TFAP4: variants seen among roughly 807,000 people sequenced by gnomAD.
TFAP4 encodes the protein transcription factor AP-4, also known as activating enhancer-binding protein 4.
A neutral mutation model predicts 40.4 loss-of-function variants in TFAP4; 7 were observed. That is an observed-to-expected ratio of 0.17 (90% CI 0.10 to 0.33). TFAP4 has a LOEUF of 0.33. TFAP4 is among the 10% of genes least tolerant of loss of function. TFAP4 has a pLI of 1.00. For missense variants in TFAP4, 374 were observed against 451.1 expected (o/e 0.83, Z 1.55); for synonymous variants, 218 against 181.4 (o/e 1.20, Z -1.62).
Position 4,260,224 on chromosome 16 carries a change from T to TGGGGGGGGGGG in TFAP4, c.687_688insCCCCCCCCCCC (p.Thr230ProfsTer10). The stretch of plus-strand genomic sequence containing the variant: ...GGCACGATCACCGTGGGGTGGTGGG[T>TGGGGGGGGGGG]GGGGGCCGGAGGGGGCAGAAGCTGC... On this transcript the variant is annotated frameshift_variant, in exon 6 of 7. Transcript: ENST00000204517. LOFTEE classifies it high-confidence loss of function. 8.9e-6 allele frequency: 2 copies of TGGGGGGGGGGG among 223,696 alleles called. No homozygotes were observed. Among genetic ancestry groups the TGGGGGGGGGGG allele is most frequent in the Non-Finnish European group, 1.6e-5 (2 of 125,994 alleles). The allele number at this position is 223,696 out of a possible 1,614,324, so 13.9% of individuals were successfully genotyped here.
rs576724161 is a variant in TFAP4 at position 4,272,876 on chromosome 16, G to T, written c.-130C>A. ...CGGCCGGTCCCAGATGCTGGCGGCG[G>T]CGGCGGCGGCGAGGGGAGGGAGGCG... On this transcript the variant is annotated 5_prime_UTR_variant, in exon 1 of 7. Coordinates refer to ENST00000204517, the MANE Select transcript of TFAP4 (RefSeq NM_003223.3). 1.6e-5 allele frequency: 10 copies of T among 615,982 alleles called. No individual in the cohort carries two copies. The East Asian group carries it at 3.0e-4, about 19-fold the overall frequency. The allele number at this position is 615,982 out of a possible 1,614,324, so 38.2% of individuals were successfully genotyped here.
At chr16:4,259,910 G>A (rs1280905369) in intron 6 of TFAP4, among the ~76,000 whole-genome samples, 180 bp downstream of exon 6, 2 of 152,226 alleles carry the variant, frequency 1.3e-5, no homozygotes, top group Admixed American at 6.5e-5. Flanking sequence ...CCCGATCTCT[G>A]GCCCTCACAT....
chr16:4,258,025 C>G lies in TFAP4; in HGVS notation c.*30G>C. 6.3e-7 allele frequency: 1 copy of G among 1,598,434 alleles called. No individual in the cohort carries two copies. The highest frequency in any genetic ancestry group is 8.5e-7 in the Non-Finnish European group (1 of 1,174,318). ...TGGCTGCCCCGGCTCCCTCCAGCCC[C>G]CAGAAGGGAGAGGAGGGCTGGGGGG... On this transcript the variant is annotated 3_prime_UTR_variant, in exon 7 of 7. Coordinates refer to ENST00000204517, the MANE Select transcript of TFAP4 (RefSeq NM_003223.3).
chr16:4,260,291 C>G (rs547940657), intron 5 of TFAP4, 46 bp from the exon 6 acceptor site: 1 of 1,519,994 alleles, frequency 6.6e-7, no homozygotes, highest in African/African-American at 1.4e-5. Flanking sequence ...CTTCTCTTGG[C>G]CCATCCACCT....
In TFAP4 at chr16:4,258,232, C is replaced by T. The variant is rs1567199466; in HGVS notation, c.840G>A (p.Glu280=). 1 of 1,601,376 alleles carries T rather than the reference C, an allele frequency of 6.2e-7. No individual in the cohort carries two copies. Among genetic ancestry groups the T allele is most frequent in the Non-Finnish European group, 8.5e-7 (1 of 1,171,766 alleles). The part of the protein sequence containing the change: ...DTIVQAIQHI[E]GTQEKQELEE... ...CCAGCTCCTGCTTTTCCTGGGTGCCCTCGATGTGCTGGATTGCCTGGACAG... is the reference window on the plus strand; with the variant it reads ...CCAGCTCCTGCTTTTCCTGGGTGCCTTCGATGTGCTGGATTGCCTGGACAG... Residue 280 remains glutamate, a synonymous_variant, in exon 7 of 7, where the codon GAG becomes GAA. Coordinates refer to ENST00000204517, the MANE Select transcript of TFAP4 (RefSeq NM_003223.3).
rs1296067582 is a variant in TFAP4 at position 4,261,340 on chromosome 16, C to T, written c.525+439G>A. Among the ~76,000 whole-genome samples, 3 of 151,720 alleles carry T rather than the reference C, an allele frequency of 2.0e-5. No individual in the cohort carries two copies. The East Asian group carries it at 5.8e-4, about 29-fold the overall frequency. On this transcript the variant is annotated intron_variant, in intron 4 of 6. Transcript: ENST00000204517. ...TGTCTCCCAGACTGGAGTGCAGTGG[C>T]ACGATCTCGGCTCACTGCAAGCTCT...
At chr16:4,261,531 C>T (rs1260738958) in intron 4 of TFAP4, among the ~76,000 whole-genome samples, 1 of 152,006 alleles carries the variant, frequency 6.6e-6, no homozygotes. Flanking sequence ...TCAGGTGATC[C>T]ACCCGCCTCG....
At chr16:4,262,201 G>A (rs2052955792) in intron 3 of TFAP4, 123 bp downstream of exon 3, 2 of 1,185,642 alleles carry the variant, frequency 1.7e-6, no homozygotes, top group African/African-American at 1.5e-5. Context: ...AGGAAAAAAA[G>A]TGCCTGGAAG....
chr16:4,272,440 CA>C (rs2053047254), intron 1 of TFAP4, among the ~76,000 whole-genome samples: 1 of 152,030 alleles, frequency 6.6e-6, no homozygotes. Context: ...CTGCAGCGGA[CA>C]AAAGTGGCCG....
intron 1 of TFAP4, among the ~76,000 whole-genome samples, chr16:4,271,418 C>A (rs2053039535): frequency 1.3e-5 from 2 of 152,356 alleles, no homozygotes; most frequent in South Asian, 2.1e-4. Flanking sequence ...GGCCACAGGT[C>A]CCAAACTTGC....
At chr16:4,260,431 C>A in intron 5 of TFAP4, 24 bp downstream of exon 5, 1 of 1,556,162 alleles carries the variant, frequency 6.4e-7, no homozygotes, top group Non-Finnish European at 8.7e-7. Context: ...CCCCAGAGCC[C>A]ACTCCCGGGC....
intron 5 of TFAP4, 72 bp downstream of exon 5, chr16:4,260,383 G>C: frequency 6.6e-7 from 1 of 1,515,224 alleles, no homozygotes; most frequent in Non-Finnish European, 8.8e-7. Flanking sequence ...CCTAGGGAGA[G>C]GCTTCCGCCA....
rs766594042 is a variant in TFAP4 at position 4,260,458 on chromosome 16, G to C, written c.663C>G (p.Thr221=). The change falls in exon 5 of 7, where the codon ACC becomes ACG. Residue 221 remains threonine, a synonymous_variant. Transcript: ENST00000204517. ...CTCCCGGGCGCCTCCTGCTCACCTG[G>C]GTCCGCAGCTGCTGCTGTTCCCGCT... ...KLEREQQQLR[T]QLLPPPAPTH... is the part of the protein sequence containing the mutation. 2 of 1,583,444 alleles carry C rather than the reference G, an allele frequency of 1.3e-6. No homozygotes were observed. Among genetic ancestry groups the C allele is most frequent in the Non-Finnish European group, 8.6e-7 (1 of 1,164,958 alleles).
chr16:4,260,420 T>A (rs2141089278), intron 5 of TFAP4, 35 bp downstream of exon 5: 2 of 1,540,802 alleles, frequency 1.3e-6, no homozygotes, highest in Admixed American at 2.0e-5. Context: ...CCCTTCCCGG[T>A]CCCCAGAGCC....
intron 1 of TFAP4, 90 bp downstream of exon 1, chr16:4,272,568 G>T: frequency 2.0e-6 from 2 of 987,328 alleles, no homozygotes; most frequent in Non-Finnish European, 1.4e-6. Context: ...CGGCGGCGCG[G>T]GCCATGCGTG....
At position 4,270,403 on chromosome 16, in the gene TFAP4, C is replaced by G. The variant is rs151005950; in HGVS notation, c.89+2255G>C. 4.7e-3 allele frequency among the ~76,000 whole-genome samples: 716 copies of G among 152,264 alleles called. 7 individuals are homozygous for G. The highest frequency in any genetic ancestry group is 0.017 in the African/African-American group (697 of 41,554). ...CTGGTCACTGAGGGATGGAGCAAAG[C>G]CCACCAGCCTGAGATGACCCTGAGA... On this transcript the variant is annotated intron_variant, in intron 1 of 6. Transcript: ENST00000204517.
intron 5 of TFAP4, 51 bp from the exon 6 acceptor site, chr16:4,260,296 C>A: frequency 6.6e-7 from 1 of 1,517,220 alleles, no homozygotes; most frequent in East Asian, 2.3e-5. Context: ...CTTGGCCCAT[C>A]CACCTCCCTT....
In TFAP4 at chr16:4,262,683, T is replaced by C. The variant is rs769201510; in HGVS notation, c.108A>G (p.Leu36=). 6 of 1,608,824 alleles carry C rather than the reference T, an allele frequency of 3.7e-6. No individual in the cohort carries two copies. Among genetic ancestry groups the C allele is most frequent in the Non-Finnish European group, 5.1e-6 (6 of 1,179,812 alleles). Residue 36 remains leucine (L), a synonymous_variant, in exon 2 of 7, where the codon CTA becomes CTG. Transcript: ENST00000204517. ...CCTGGTCCCGCTGAGTCTCGGGGGT[T>C]AGTGGAATGTTGGCAAGGCTGCCAG... is the stretch of plus-strand genomic sequence containing the variant. ...GGLCSLANIP[L]TPETQRDQER...
In TFAP4 at chr16:4,262,653, C is replaced by T. The variant is rs1402185791; in HGVS notation, c.138G>A (p.Arg46=). The change falls in exon 2 of 7, where the codon CGG becomes CGA. Residue 46 remains arginine, a synonymous_variant. Transcript: ENST00000204517. ...TGTTGGCGATCTCCCGCCGAATCCG[C>T]CGCTCCTGGTCCCGCTGAGTCTCGG... ...LTPETQRDQE[R]RIRREIANSN... is the part of the protein sequence containing the mutation. 1.2e-6 allele frequency: 2 copies of T among 1,611,434 alleles called. No homozygotes were observed. The highest frequency in any genetic ancestry group is 1.7e-6 in the Non-Finnish European group (2 of 1,180,008).
Sources: allele counts gnomAD v4.1 joint callset (sites outside exome capture counted in the v4.1 genomes callset), GRCh38; gene constraint gnomAD v4.1.1; transcripts MANE v1.5; gene names NCBI Gene and HGNC (gene_info 2026-07-23, HGNC 2026-07-21).